The following HUWE1 variants were observed in gnomAD, a reference collection of about 807,000 sequenced individuals.
The protein encoded by HUWE1 is HECT, UBA and WWE domain containing E3 ubiquitin protein ligase 1.
Under a neutral mutation model 299.4 loss-of-function variants are expected in HUWE1, and 18 were observed. The ratio of observed to expected loss-of-function variants is 0.06; its 90% CI spans 0.04 to 0.09. HUWE1 has a LOEUF of 0.09. Among genes scored for constraint, HUWE1 ranks in the 10% least tolerant of loss-of-function variants. HUWE1 has a pLI of 1.00. For synonymous variants in HUWE1, 1,317 were observed against 1,286.1 expected, an observed-to-expected ratio of 1.02 and a Z score of -0.51; for missense variants, 1,832 against 3,462.3, an observed-to-expected ratio of 0.53 and a Z score of 11.82.
chrX:53,545,195 G>C, intron 70 of HUWE1, 34 bp from the exon 71 acceptor site: 1 of 1,199,184 alleles, frequency 8.3e-7, no homozygotes, highest in Non-Finnish European at 1.1e-6. Flanking sequence ...AGTGTTCAGA[G>C]ACTCCCCTGG....
intron 78 of HUWE1, 32 bp downstream of exon 78, chrX:53,537,524 C>A: frequency 1.7e-6 from 2 of 1,206,267 alleles, no homozygotes; most frequent in Non-Finnish European, 2.2e-6. Context: ...CACCTCCCAC[C>A]CGCCATCTTT....
At chrX:53,582,791 C>CCCCA (rs2063685324) in intron 42 of HUWE1, among the ~76,000 whole-genome samples, 1 of 109,531 alleles carries the variant, frequency 9.1e-6, no homozygotes, top group Non-Finnish European at 1.9e-5. Context: ...GACAGAGTCT[C>CCCCA]GCTCTGTCAC....
intron 3 of HUWE1, among the ~76,000 whole-genome samples, chrX:53,665,743 G>C (rs1294727146): frequency 8.9e-6 from 1 of 112,492 alleles, no homozygotes; most frequent in Non-Finnish European, 1.9e-5. Context: ...AATAAAAACA[G>C]CAATGCCTAA....
chrX:53,644,408 A>G (rs1603241403), intron 7 of HUWE1, among the ~76,000 whole-genome samples: 1 of 111,839 alleles, frequency 8.9e-6, no homozygotes, highest in African/African-American at 3.2e-5. Flanking sequence ...TGGGAATCCA[A>G]TGTTAAACCT....
intron 7 of HUWE1, among the ~76,000 whole-genome samples, chrX:53,635,322 G>A (rs1219322974): frequency 1.8e-5 from 2 of 110,073 alleles, no homozygotes; most frequent in East Asian, 2.8e-4. Context: ...TATGAAGAGA[G>A]TGTGAGAGAT....
chrX:53,573,973 A>T lies in HUWE1; in HGVS notation c.6098-9T>A. ...CTCCTCTGGAGTTGAAGCTGTTGAG[A>T]AAAGTCAAACACTGGTTCAATTCCA... On this transcript the variant is annotated splice_polypyrimidine_tract_variant and intron_variant, in intron 46 of 83. Transcript: ENST00000262854. 1 of 1,190,939 alleles carries T rather than the reference A, an allele frequency of 8.4e-7. No individual in the cohort carries two copies.
chrX:53,614,054 C>G (rs1211540220), intron 23 of HUWE1, among the ~76,000 whole-genome samples: 1 of 111,097 alleles, frequency 9.0e-6, no homozygotes, highest in Non-Finnish European at 1.9e-5. Context: ...CACCTGACGT[C>G]GGGAGTTTGA....
chrX:53,613,929 T>C (rs1477160916), intron 23 of HUWE1, among the ~76,000 whole-genome samples: 1 of 112,155 alleles, frequency 8.9e-6, no homozygotes, highest in East Asian at 2.8e-4. Context: ...ATTAACTTGA[T>C]GGACCAAATT....
Position 53,627,983 on chromosome X carries a change from C to A in HUWE1, c.1243-104G>T, listed in dbSNP as rs1603197001. The A allele has an allele frequency of 8.4e-6, 6 of 713,951 alleles. No individual in the cohort carries two copies. In the East Asian group the frequency reaches 2.1e-4, roughly 25 times the overall value. The allele number at this position is 713,951 out of a possible 1,213,427, so 58.8% of individuals were successfully genotyped here. The stretch of plus-strand genomic sequence containing the variant: ...GTAGTCTGGGGCCTCAGTAAGGCAG[C>A]ACAGTATGGGGGAAAACATGTGTTT... On this transcript the variant is annotated intron_variant, in intron 15 of 83. Coordinates refer to ENST00000262854, the MANE Select transcript of HUWE1 (RefSeq NM_031407.7).
At chrX:53,605,831 G>A (rs1556996246) in intron 25 of HUWE1, among the ~76,000 whole-genome samples, 1 of 111,637 alleles carries the variant, frequency 9.0e-6, no homozygotes, top group Admixed American at 9.5e-5. Context: ...AAAGACCAAT[G>A]GAATAGAATA....
intron 51 of HUWE1, among the ~76,000 whole-genome samples, chrX:53,564,349 G>T (rs1420380890): frequency 9.0e-6 from 1 of 111,471 alleles, no homozygotes; most frequent in African/African-American, 3.3e-5. Flanking sequence ...TTCTGGTTGG[G>T]ATCTATATCA....
At chrX:53,678,527 T>C (rs1557051953) in intron 3 of HUWE1, among the ~76,000 whole-genome samples, 1 of 112,024 alleles carries the variant, frequency 8.9e-6, no homozygotes, top group Admixed American at 9.5e-5. Context: ...TAAAGGACTT[T>C]ATGCTAAGGA....
At position 53,538,728 on chromosome X, in the gene HUWE1, T is replaced by A. The variant is rs782169490; in HGVS notation, c.11878+107A>T. 9.7e-4 allele frequency: 693 copies of A among 713,826 alleles called. 3 individuals are homozygous for A. The African/African-American group carries it at 0.014, about 15-fold the overall frequency. 58.8% of individuals were successfully genotyped at this position (713,826 alleles called of 1,213,427 possible). ...CACACACACACACACACACACACTC[T>A]CTCTCTCTCTCTCTCTCTCTCTCTC... On this transcript the variant is annotated intron_variant, in intron 76 of 83. Coordinates refer to ENST00000262854, the MANE Select transcript of HUWE1 (RefSeq NM_031407.7).
intron 8 of HUWE1, among the ~76,000 whole-genome samples, chrX:53,633,107 T>G (rs1419788880): frequency 8.9e-6 from 1 of 112,553 alleles, no homozygotes; most frequent in Non-Finnish European, 1.9e-5. Context: ...ATGGTATGTT[T>G]TCTGCACAGG....
rs1336126768 is a variant in HUWE1 at position 53,593,510 on chromosome X, G to A, written c.3595C>T (p.Leu1199=). ...TCCACCAGCATAAGCCAGGCATCTA[G>A]GAATTCTCCTGTGCCATCAGGCAAG... ...SDLPDGTGEF[L]DAWLMLVEKM... The change falls in exon 32 of 84, where the codon CTA becomes TTA. Residue 1199 remains leucine (L), a synonymous_variant. Transcript: ENST00000262854. 1 of 1,211,383 alleles carries A rather than the reference G, an allele frequency of 8.3e-7. No homozygotes were observed. Among genetic ancestry groups the A allele is most frequent in the East Asian group, 3.0e-5 (1 of 33,847 alleles).
intron 60 of HUWE1, among the ~76,000 whole-genome samples, chrX:53,555,605 G>A (rs2061967877): frequency 9.3e-6 from 1 of 107,723 alleles, no homozygotes; most frequent in South Asian, 4.1e-4. Flanking sequence ...GGGATTACAG[G>A]CGTGAGCCAC....
chrX:53,570,279 A>T (rs2062763564), intron 47 of HUWE1, among the ~76,000 whole-genome samples: 1 of 112,172 alleles, frequency 8.9e-6, no homozygotes, highest in Non-Finnish European at 1.9e-5. Context: ...GTGCTATTGC[A>T]CCTATCTTAA....
chrX:53,657,030 T>C (rs1391320431), intron 3 of HUWE1, among the ~76,000 whole-genome samples: 3 of 111,969 alleles, frequency 2.7e-5, no homozygotes, highest in South Asian at 7.3e-4. Flanking sequence ...CCTCACACTT[T>C]ATATAAAAAA....
chrX:53,676,732 C>G (rs782355609), intron 3 of HUWE1, among the ~76,000 whole-genome samples: 1 of 111,679 alleles, frequency 9.0e-6, no homozygotes, highest in African/African-American at 3.3e-5. Context: ...GCAATTTGAA[C>G]TTCGCTAAGG....
Sources: gnomAD v4.1 joint callset for allele counts (sites outside exome capture counted in the v4.1 genomes callset) on GRCh38, gnomAD v4.1.1 for gene constraint, MANE v1.5 for transcripts, NCBI Gene and HGNC (gene_info 2026-07-23, HGNC 2026-07-21) for gene names.